KLHL28: variants seen among roughly 807,000 people sequenced by gnomAD.
KLHL28 encodes kelch like family member 28.
KLHL28 carries 22 observed loss-of-function variants against 48.3 expected under a neutral mutation model. That is an observed-to-expected ratio of 0.46 (90% CI 0.33 to 0.65). KLHL28 has a LOEUF of 0.65. Ranked by LOEUF, KLHL28 falls within the 30% of genes least tolerant of loss-of-function variation. KLHL28 has a pLI of 0.03. For synonymous variants in KLHL28, 243 were observed against 242.4 expected, an observed-to-expected ratio of 1.00 and a Z score of -0.02; for missense variants, 527 against 704.3, an observed-to-expected ratio of 0.75 and a Z score of 2.85.
In KLHL28 at chr14:44,939,818, A is replaced by G. The variant is rs899990659; in HGVS notation, c.899+5212T>C. ...CACCCTTAACATTCTATTCACGGCA[A>G]TCTAGGCTTCTTCCAGACTCCTACT... On this transcript the variant is annotated intron_variant, in intron 2 of 4. Transcript: ENST00000396128. Among the ~76,000 whole-genome samples, 12 of 152,304 alleles carry G rather than the reference A, an allele frequency of 7.9e-5. No individual in the cohort carries two copies. In the East Asian group the frequency reaches 2.3e-3, roughly 29 times the overall value.
intron 3 of KLHL28, among the ~76,000 whole-genome samples, chr14:44,931,981 A>G (rs1290614643): frequency 1.3e-5 from 2 of 152,060 alleles, no homozygotes. Flanking sequence ...CGTGACTTTG[A>G]AAACCACTAA....
At chr14:44,960,882 C>T (rs1885040343) in intron 1 of KLHL28, 1 of 1,513,520 alleles carries the variant, frequency 6.6e-7, no homozygotes, top group African/African-American at 1.4e-5. Context: ...TAAGAGAAAT[C>T]CCACCTGGTA....
rs139648915 is a variant in KLHL28, at chr14:44,947,909, C to G, written c.1-1981G>C. Among the ~76,000 whole-genome samples the G allele has an allele frequency of 3.9e-5, 6 of 152,214 alleles. No individual in the cohort carries two copies. The East Asian group carries it at 1.2e-3, about 29-fold the overall frequency. ...TTGCAGTCATGGTATAAACAAGTCC[C>G]AAGAAGCTTCTGGGTCTTCCAGTAG... On this transcript the variant is annotated intron_variant, in intron 1 of 4. Coordinates refer to ENST00000396128, the MANE Select transcript of KLHL28 (RefSeq NM_017658.5).
intron 2 of KLHL28, among the ~76,000 whole-genome samples, chr14:44,938,171 T>C (rs1417355694): frequency 1.3e-5 from 2 of 152,152 alleles, no homozygotes; most frequent in African/African-American, 4.8e-5. Flanking sequence ...AAATCATATA[T>C]AAGCGAGAGT....
At chr14:44,943,011 T>C (rs1386714759) in intron 2 of KLHL28, among the ~76,000 whole-genome samples, 3 of 152,200 alleles carry the variant, frequency 2.0e-5, no homozygotes, top group African/African-American at 7.2e-5. Flanking sequence ...AGAGTTATAA[T>C]AATGCTGCAA....
chr14:44,925,959 A>G lies in KLHL28; in HGVS notation c.*3069T>C, dbSNP rs1422934151. The G allele has an allele frequency of 6.6e-6, 1 of 152,184 alleles. No homozygotes were observed. Among genetic ancestry groups the G allele is most frequent in the African/African-American group, 2.4e-5 (1 of 41,452 alleles). 9.4% of individuals were successfully genotyped at this position (152,184 alleles called of 1,614,324 possible). A position where few individuals can be genotyped will look rare whatever the true frequency, so the allele number is the denominator to read the frequency against. On this transcript the variant is annotated 3_prime_UTR_variant, in exon 5 of 5. Transcript: ENST00000396128. Reference sequence around the variant, plus strand: ...TATTTCCCAGTGCTGCTCTTTTCCAAAATATTTCTGGGAAATCTTAAATAG... The same window carrying G: ...TATTTCCCAGTGCTGCTCTTTTCCAGAATATTTCTGGGAAATCTTAAATAG...
At position 44,945,216 on chromosome 14, in the gene KLHL28, T is replaced by A; in HGVS notation, c.713A>T (p.Tyr238Phe). ...LLSVKFLTRLYEANHLIRDDR... is the reference protein window; with the variant it reads ...LLSVKFLTRLFEANHLIRDDR... The stretch of plus-strand genomic sequence containing the variant: ...ATCACGAATAAGATGATTTGCTTCA[T>A]ATAGTCTAGTGAGAAACTTAACACT... The change falls in exon 2 of 5, where the codon TAT (tyrosine) becomes TTT (phenylalanine). Residue 238 changes from tyrosine (Y) to phenylalanine (F), a missense_variant. Tyr to Phe is a conservative substitution (Grantham distance 22). Transcript: ENST00000396128. 1 of 1,614,166 alleles carries A rather than the reference T, an allele frequency of 6.2e-7. No homozygotes were observed. The highest frequency in any genetic ancestry group is 8.5e-7 in the Non-Finnish European group (1 of 1,180,022).
intron 1 of KLHL28, among the ~76,000 whole-genome samples, chr14:44,957,451 T>G (rs1407941933): frequency 1.3e-5 from 2 of 152,228 alleles, no homozygotes; most frequent in Non-Finnish European, 2.9e-5. Context: ...GAATGTTTTC[T>G]TAATCTTGGA....
At chr14:44,951,270 T>C (rs1174011390) in intron 1 of KLHL28, among the ~76,000 whole-genome samples, 1 of 152,196 alleles carries the variant, frequency 6.6e-6, no homozygotes, top group Non-Finnish European at 1.5e-5. Flanking sequence ...AATTGGGAGA[T>C]GACCTCATAG....
intron 1 of KLHL28, among the ~76,000 whole-genome samples, chr14:44,949,510 ATAC>A (rs1354957139): frequency 6.6e-6 from 1 of 152,118 alleles, no homozygotes; most frequent in Non-Finnish European, 1.5e-5. Flanking sequence ...AGTGGAACAA[ATAC>A]CCCCCAGAGT....
chr14:44,926,252 A>C lies in KLHL28; in HGVS notation c.*2776T>G, dbSNP rs1883367551. 1.3e-5 allele frequency: 2 copies of C among 152,216 alleles called. No homozygotes were observed. Among genetic ancestry groups the C allele is most frequent in the Non-Finnish European group, 2.9e-5 (2 of 68,038 alleles). The allele number at this position is 152,216 out of a possible 1,614,324, so 9.4% of individuals were successfully genotyped here. On this transcript the variant is annotated 3_prime_UTR_variant, in exon 5 of 5. Transcript: ENST00000396128. ...AATCCTAAAATAAATATACTTCTAA[A>C]TTTTGAACATTTTTCCTCTTCCTTT...
chr14:44,952,571 G>A (rs1470699387), intron 1 of KLHL28, among the ~76,000 whole-genome samples: 1 of 152,110 alleles, frequency 6.6e-6, no homozygotes, highest in Non-Finnish European at 1.5e-5. Context: ...TGCCCAGGCT[G>A]GAGTGCAATG....
rs1418428384 is a variant in KLHL28, at chr14:44,945,349, T to C, written c.580A>G (p.Thr194Ala). 1 of 1,614,166 alleles carries C rather than the reference T, an allele frequency of 6.2e-7. No individual in the cohort carries two copies. Among genetic ancestry groups the C allele is most frequent in the Non-Finnish European group, 8.5e-7 (1 of 1,180,014 alleles). Residue 194 changes from threonine (T) to alanine (A), a missense_variant, in exon 2 of 5, where the codon ACC (threonine) becomes GCC (alanine). By Grantham distance (58) the Thr-to-Ala change is moderately conservative. Transcript: ENST00000396128. ...IVSNDCLNVA[T>A]EETVFYALES... ...AATGCATAAAAAACAGTCTCTTCGGTAGCTACATTCAAACAGTCATTGGAA... is the reference window on the plus strand; with the variant it reads ...AATGCATAAAAAACAGTCTCTTCGGCAGCTACATTCAAACAGTCATTGGAA...
chr14:44,956,014 G>A (rs967802574), intron 1 of KLHL28, among the ~76,000 whole-genome samples: 3 of 152,218 alleles, frequency 2.0e-5, no homozygotes, highest in Non-Finnish European at 2.9e-5. Context: ...ACCGGACGAT[G>A]CTAATGTAGC....
intron 2 of KLHL28, 75 bp from the exon 3 acceptor site, chr14:44,934,633 TA>T (rs1883732943): frequency 5.1e-5 from 57 of 1,124,712 alleles, no homozygotes; most frequent in Non-Finnish European, 6.9e-5. Context: ...TTAATCTTAT[TA>T]GTAATCAGGG....
At chr14:44,935,608 TTAAAACGTG>T (rs1429964716) in intron 2 of KLHL28, among the ~76,000 whole-genome samples, 3 of 151,864 alleles carry the variant, frequency 2.0e-5, no homozygotes, top group Non-Finnish European at 4.4e-5. Flanking sequence ...TGCACTTATA[TTAAAACGTG>T]TAAAACCTAA....
At chr14:44,957,139 T>C (rs551792539) in intron 1 of KLHL28, among the ~76,000 whole-genome samples, 1 of 152,228 alleles carries the variant, frequency 6.6e-6, no homozygotes, top group South Asian at 2.1e-4. Context: ...GAAATATTTG[T>C]AGATGAAATA....
At chr14:44,942,945 T>C (rs1272335984) in intron 2 of KLHL28, among the ~76,000 whole-genome samples, 1 of 152,204 alleles carries the variant, frequency 6.6e-6, no homozygotes, top group Admixed American at 6.5e-5. Context: ...CACAGGTGTT[T>C]AATATCTTTT....
intron 2 of KLHL28, among the ~76,000 whole-genome samples, chr14:44,940,106 C>T (rs1047658555): frequency 8.5e-5 from 13 of 152,112 alleles, no homozygotes; most frequent in Non-Finnish European, 1.5e-4. Context: ...GAAGTGCAAG[C>T]GAGTATGTAT....
Sources: allele counts gnomAD v4.1 joint callset (sites outside exome capture counted in the v4.1 genomes callset), GRCh38; gene constraint gnomAD v4.1.1; transcripts MANE v1.5; gene names NCBI Gene and HGNC (gene_info 2026-07-23, HGNC 2026-07-21).